The following TSHZ2 variants were observed in gnomAD, a reference collection of about 807,000 sequenced individuals.
The protein encoded by TSHZ2 is teashirt zinc finger homeobox 2.
In TSHZ2, 21 loss-of-function variants were observed where a neutral mutation model predicts 74.4. The ratio of observed to expected loss-of-function variants is 0.28; its 90% CI spans 0.20 to 0.41. The LOEUF (loss-of-function observed/expected upper bound fraction) is 0.41, where lower values mean the gene tolerates loss of function less well. Among genes scored for constraint, TSHZ2 ranks in the 10% least tolerant of loss-of-function variants. The pLI, the probability that TSHZ2 is intolerant of heterozygous loss-of-function variation, is 1.00. For missense variants in TSHZ2, 1,244 were observed against 1,293.5 expected, an observed-to-expected ratio of 0.96 and a Z score of 0.59; for synonymous variants, 540 against 515.3, an observed-to-expected ratio of 1.05 and a Z score of -0.65.
At chr20:53,475,813 A>T (rs1985975518) in intron 2 of TSHZ2, among the ~76,000 whole-genome samples, 1 of 139,534 alleles carries the variant, frequency 7.2e-6, no homozygotes, top group Non-Finnish European at 1.5e-5. Flanking sequence ...GCAATAAAAA[A>T]TGACAAAGGG....
intron 1 of TSHZ2, among the ~76,000 whole-genome samples, chr20:53,143,223 C>T (rs571047860): frequency 6.6e-6 from 1 of 152,332 alleles, no homozygotes; most frequent in South Asian, 2.1e-4. Context: ...ACAGAAGACT[C>T]ACTCCTTTGC....
intron 1 of TSHZ2, among the ~76,000 whole-genome samples, chr20:52,998,775 G>A (rs536541574): frequency 4.2e-4 from 64 of 152,288 alleles, no homozygotes; most frequent in African/African-American, 1.5e-3. Context: ...ACATGTAGAA[G>A]CTCAATAAAT....
chr20:53,202,180 A>G (rs971340091), intron 1 of TSHZ2, among the ~76,000 whole-genome samples: 2 of 152,150 alleles, frequency 1.3e-5, no homozygotes, highest in Non-Finnish European at 2.9e-5. Flanking sequence ...CCTTTTACCC[A>G]TGACCTTCCT....
At chr20:53,110,204 C>A (rs925356298) in intron 1 of TSHZ2, among the ~76,000 whole-genome samples, 3 of 152,140 alleles carry the variant, frequency 2.0e-5, no homozygotes, top group African/African-American at 7.2e-5. Flanking sequence ...TGCCCCGCCC[C>A]TCTAGGCAGC....
chr20:53,421,518 C>T (rs1368545470), intron 2 of TSHZ2: 2 of 232,524 alleles, frequency 8.6e-6, no homozygotes, highest in Non-Finnish European at 1.8e-5. Context: ...CTGCCAAAAT[C>T]GAGTGGCTGG....
In TSHZ2 at chr20:53,425,466, T is replaced by TA. The variant is rs777378048; in HGVS notation, c.*9-61673dup. ...GGAAGCCCATCCTTCTCCAGTAAAC[T>TA]AAAAATTTACATCTGAAAAATTTGA... is the stretch of plus-strand genomic sequence containing the variant. On this transcript the variant is annotated intron_variant, in intron 2 of 2. Transcript: ENST00000371497. Among the ~76,000 whole-genome samples the TA allele has an allele frequency of 2.0e-5, 3 of 152,308 alleles. No homozygotes were observed. In the East Asian group the frequency reaches 5.8e-4, roughly 29 times the overall value.
chr20:52,973,355 C>A (rs769440695), intron 1 of TSHZ2, 22 bp downstream of exon 1: 1 of 1,550,814 alleles, frequency 6.4e-7, no homozygotes, highest in South Asian at 1.2e-5. Flanking sequence ...GGCTCCGCTT[C>A]GGGGCTGCCC....
chr20:53,224,208 C>T (rs1989630570), intron 1 of TSHZ2, among the ~76,000 whole-genome samples: 1 of 152,082 alleles, frequency 6.6e-6, no homozygotes, highest in South Asian at 2.1e-4. Context: ...AAACAAATGT[C>T]ATTACAATCT....
chr20:53,201,753 G>A (rs997902545), intron 1 of TSHZ2, among the ~76,000 whole-genome samples: 1 of 152,046 alleles, frequency 6.6e-6, no homozygotes, highest in East Asian at 1.9e-4. Context: ...TTGCTGGTGG[G>A]GTGGTGGGAT....
intron 1 of TSHZ2, among the ~76,000 whole-genome samples, chr20:53,131,486 C>T (rs1987098965): frequency 6.6e-6 from 1 of 152,218 alleles, no homozygotes; most frequent in African/African-American, 2.4e-5. Flanking sequence ...CCTGGGTCCT[C>T]TGATGAGTCT....
intron 1 of TSHZ2, among the ~76,000 whole-genome samples, chr20:53,163,451 ATTTTATT>A (rs1987994175): frequency 1.1e-5 from 1 of 88,676 alleles, no homozygotes; most frequent in African/African-American, 4.8e-5. Flanking sequence ...ATTTTATTTT[ATTTTATT>A]TTTTTTTATT....
intron 1 of TSHZ2, among the ~76,000 whole-genome samples, chr20:52,987,532 CCTCT>C (rs373185852): frequency 5.4e-5 from 8 of 149,452 alleles, no homozygotes; most frequent in Non-Finnish European, 7.4e-5. Flanking sequence ...TTCTCTCTCT[CCTCT>C]CTCTCTCTCT....
chr20:53,197,664 C>A (rs1988905189), intron 1 of TSHZ2, among the ~76,000 whole-genome samples: 1 of 152,182 alleles, frequency 6.6e-6, no homozygotes, highest in Admixed American at 6.5e-5. Flanking sequence ...TTAAATGTTA[C>A]CAAGTTCAAA....
chr20:53,323,935 G>A (rs1158618430), intron 2 of TSHZ2, among the ~76,000 whole-genome samples: 1 of 152,080 alleles, frequency 6.6e-6, no homozygotes, highest in African/African-American at 2.4e-5. Flanking sequence ...AACTGACTTG[G>A]AGTAAATCCT....
intron 1 of TSHZ2, among the ~76,000 whole-genome samples, chr20:53,121,346 TAAAA>T (rs946039435): frequency 6.6e-6 from 1 of 152,078 alleles, no homozygotes; most frequent in Admixed American, 6.5e-5. Context: ...AATCTAGTAT[TAAAA>T]AAAAGTAAAT....
intron 1 of TSHZ2, among the ~76,000 whole-genome samples, chr20:53,225,826 G>A (rs1275369870): frequency 6.6e-6 from 1 of 152,116 alleles, no homozygotes; most frequent in Non-Finnish European, 1.5e-5. Context: ...TGGCCTGGTT[G>A]CTCCTCCAAT....
intron 1 of TSHZ2, among the ~76,000 whole-genome samples, chr20:53,180,900 A>G (rs567881234): frequency 6.6e-6 from 1 of 152,254 alleles, no homozygotes; most frequent in Non-Finnish European, 1.5e-5. Flanking sequence ...AATAATATAA[A>G]TTAGATCCCA....
chr20:53,163,029 A>G (rs536696523), intron 1 of TSHZ2, among the ~76,000 whole-genome samples: 7 of 152,340 alleles, frequency 4.6e-5, no homozygotes, highest in African/African-American at 1.2e-4. Context: ...AATTTCCTCC[A>G]TAGTCCTACT....
At chr20:53,415,529 C>A (rs4811434) in intron 2 of TSHZ2, among the ~76,000 whole-genome samples, 152,062 of 152,066 alleles carry the variant, frequency 1, 76,029 homozygotes, top group Middle Eastern at 1. Flanking sequence ...GGCCTCCCAC[C>A]TAGCACACTC....
Sources: allele counts gnomAD v4.1 joint callset (sites outside exome capture counted in the v4.1 genomes callset), GRCh38; gene constraint gnomAD v4.1.1; transcripts MANE v1.5; gene names NCBI Gene and HGNC (gene_info 2026-07-23, HGNC 2026-07-21).